Variants in CATSPERE observed in about 807,000 individuals in gnomAD.
CATSPERE encodes catsper channel auxiliary subunit epsilon.
Under a neutral mutation model 114.1 loss-of-function variants are expected in CATSPERE, and 93 were observed. That is an observed-to-expected ratio of 0.81 (90% confidence interval 0.69 to 0.97). The LOEUF (loss-of-function observed/expected upper bound fraction) is 0.97. CATSPERE is among the 50% of genes least tolerant of loss of function. The probability of loss-of-function intolerance (pLI) is 0.00; values close to 1 mark genes in which losing one functional copy is unlikely to be tolerated. For synonymous variants in CATSPERE, 341 were observed against 384.1 expected (o/e 0.89, Z 1.31); for missense variants, 1,058 against 1,131.6 (o/e 0.93, Z 0.93).
chr1:244,619,249 G>A (rs866566672), intron 20 of CATSPERE, among the ~76,000 whole-genome samples: 2 of 152,190 alleles, frequency 1.3e-5, no homozygotes, highest in African/African-American at 4.8e-5. Flanking sequence ...ATTATAAATA[G>A]AGAATGGAAG....
In CATSPERE at chr1:244,573,967, G is replaced by C. The variant is rs560627706; in HGVS notation, c.1950+1195G>C. ...TCTTAGCAAGGCAGTTTTAGTTTCTGCAGAAAGGGTGCTCCTCACAGATGG... is the reference window on the plus strand; with the variant it reads ...TCTTAGCAAGGCAGTTTTAGTTTCTCCAGAAAGGGTGCTCCTCACAGATGG... On this transcript the variant is annotated intron_variant, in intron 11 of 21. Transcript: ENST00000366534. This position sits in a 1 kb window ranked among gnomAD's most constrained non-coding sequence, Gnocchi z 4.0. 6.3e-4 allele frequency among the ~76,000 whole-genome samples: 96 copies of C among 152,308 alleles called. No homozygotes were observed. The highest frequency in any genetic ancestry group is 1.2e-3 in the Non-Finnish European group (79 of 68,010).
At chr1:244,572,869 G>A in intron 11 of CATSPERE, 97 bp downstream of exon 11, 3 of 796,362 alleles carry the variant, frequency 3.8e-6, no homozygotes, top group South Asian at 2.8e-5. Flanking sequence ...AGGCTCAGCT[G>A]GGAAAATGTT....
At chr1:244,476,270 T>C (rs1669324782) in intron 2 of CATSPERE, among the ~76,000 whole-genome samples, 1 of 152,126 alleles carries the variant, frequency 6.6e-6, no homozygotes, top group Admixed American at 6.6e-5. Context: ...TGAGATCCTG[T>C]CTCTATTAAA....
chr1:244,477,679 C>A, intron 3 of CATSPERE, 65 bp downstream of exon 3: 1 of 1,118,700 alleles, frequency 8.9e-7, no homozygotes, highest in Non-Finnish European at 1.3e-6. Flanking sequence ...ATAATGTGAA[C>A]ATTGAGATTC....
At chr1:244,608,437 G>T in intron 18 of CATSPERE, among the ~76,000 whole-genome samples, 1 of 151,880 alleles carries the variant, frequency 6.6e-6, no homozygotes, top group Admixed American at 6.6e-5. Context: ...TCAGGAGGCT[G>T]AGGCGGGAGG....
At chr1:244,628,019 A>G (rs1426585136) in intron 20 of CATSPERE, among the ~76,000 whole-genome samples, 1 of 152,212 alleles carries the variant, frequency 6.6e-6, no homozygotes, top group Non-Finnish European at 1.5e-5. Flanking sequence ...TATCAGATCC[A>G]TTGTAGCGTT....
intron 8 of CATSPERE, among the ~76,000 whole-genome samples, chr1:244,537,777 G>A (rs1006550497): frequency 6.6e-6 from 1 of 152,054 alleles, no homozygotes; most frequent in African/African-American, 2.4e-5. Flanking sequence ...CCCAGCATAT[G>A]GTGCATCTTG....
At chr1:244,478,091 TATTA>T (rs1283575281) in intron 4 of CATSPERE, 116 bp downstream of exon 4, 8 of 644,448 alleles carry the variant, frequency 1.2e-5, no homozygotes, top group East Asian at 3.1e-5. Context: ...TTTTAAATAG[TATTA>T]ATTGTTAACT....
chr1:244,499,898 T>G (rs1374671738), intron 7 of CATSPERE, among the ~76,000 whole-genome samples: 1 of 152,216 alleles, frequency 6.6e-6, no homozygotes, highest in Non-Finnish European at 1.5e-5. Flanking sequence ...TTTCTGGTTC[T>G]AGATCCTTGA....
At chr1:244,567,321 G>A (rs748590103) in intron 10 of CATSPERE, among the ~76,000 whole-genome samples, 2 of 152,108 alleles carry the variant, frequency 1.3e-5, no homozygotes, top group African/African-American at 2.4e-5. Context: ...ATGATTGTTT[G>A]TCTTGTGGTT....
intron 19 of CATSPERE, among the ~76,000 whole-genome samples, chr1:244,611,639 A>C (rs1430021019): frequency 6.6e-6 from 1 of 152,146 alleles, no homozygotes; most frequent in Non-Finnish European, 1.5e-5. Context: ...ATCATAAGGA[A>C]TTAAACTGGT....
At chr1:244,567,835 C>A (rs1241923005) in intron 10 of CATSPERE, among the ~76,000 whole-genome samples, 1 of 152,036 alleles carries the variant, frequency 6.6e-6, no homozygotes, top group Non-Finnish European at 1.5e-5. Flanking sequence ...CTGAAGCCTA[C>A]TTATGTCAGT....
intron 17 of CATSPERE, chr1:244,598,305 A>G (rs557151194): frequency 6.6e-6 from 1 of 152,536 alleles, no homozygotes; most frequent in African/African-American, 2.4e-5. Context: ...GGGCTGCCCA[A>G]CAAAAATATT....
chr1:244,570,839 A>C (rs1368436391), intron 10 of CATSPERE, among the ~76,000 whole-genome samples: 1 of 152,184 alleles, frequency 6.6e-6, no homozygotes, highest in Non-Finnish European at 1.5e-5. Context: ...TGGGGGATTG[A>C]GGTAGCATTC....
At chr1:244,603,888 G>C (rs1282278121) in intron 17 of CATSPERE, among the ~76,000 whole-genome samples, 2 of 152,174 alleles carry the variant, frequency 1.3e-5, no homozygotes, top group Non-Finnish European at 2.9e-5. Flanking sequence ...CATACCTGTA[G>C]TCCTAAAGTT....
intron 6 of CATSPERE, among the ~76,000 whole-genome samples, 195 bp downstream of exon 6, chr1:244,490,666 G>C (rs1191939574): frequency 6.6e-6 from 1 of 151,904 alleles, no homozygotes; most frequent in Non-Finnish European, 1.5e-5. Context: ...ATCTGCATAA[G>C]GATGGATCTT....
intron 7 of CATSPERE, among the ~76,000 whole-genome samples, chr1:244,512,090 G>A (rs181321578): frequency 6.7e-4 from 102 of 152,260 alleles, no homozygotes; most frequent in African/African-American, 2.4e-3. Context: ...TATCTTGCAA[G>A]GCTTGGGAAG....
At chr1:244,513,607 C>A (rs1251941333) in intron 7 of CATSPERE, among the ~76,000 whole-genome samples, 1 of 152,136 alleles carries the variant, frequency 6.6e-6, no homozygotes, top group East Asian at 1.9e-4. Flanking sequence ...CATCATGACT[C>A]CAGTGGTGCA....
At chr1:244,537,944 T>C (rs951276893) in intron 8 of CATSPERE, among the ~76,000 whole-genome samples, 1 of 152,236 alleles carries the variant, frequency 6.6e-6, no homozygotes, top group African/African-American at 2.4e-5. Flanking sequence ...AGAGAGGTGT[T>C]GAAGTTGCAA....
Sources: gnomAD v4.1 joint callset for allele counts (sites outside exome capture counted in the v4.1 genomes callset) on GRCh38, gnomAD v4.1.1 for gene constraint, Gnocchi (gnomAD v3.1) non-coding constraint, MANE v1.5 for transcripts, NCBI Gene and HGNC (gene_info 2026-07-23, HGNC 2026-07-21) for gene names.